The following CCDC18 variants were observed in gnomAD, a reference collection of about 807,000 sequenced individuals.
CCDC18 encodes coiled-coil domain containing 18, also known as coiled-coil domain-containing protein 18.
Under a neutral mutation model 196.0 loss-of-function variants are expected in CCDC18, and 157 were observed. That is an observed-to-expected ratio of 0.80 (90% confidence interval 0.70 to 0.91). The LOEUF (loss-of-function observed/expected upper bound fraction) is 0.91, where lower values mean the gene tolerates loss of function less well. Ranked by LOEUF, CCDC18 falls within the 40% of genes least tolerant of loss-of-function variation. The probability of loss-of-function intolerance (pLI) is 0.00; values close to 1 mark genes in which losing one functional copy is unlikely to be tolerated. For missense variants in CCDC18, 1,465 were observed against 1,611.6 expected (o/e 0.91, Z 1.56); for synonymous variants, 482 against 529.2 (o/e 0.91, Z 1.22).
At chr1:93,251,295 C>T (rs948673364) in intron 23 of CCDC18, among the ~76,000 whole-genome samples, 1 of 152,094 alleles carries the variant, frequency 6.6e-6, no homozygotes, top group Non-Finnish European at 1.5e-5. Flanking sequence ...TGTTATATTG[C>T]CTATCTCTGA....
At chr1:93,231,847 A>G (rs185771230) in intron 17 of CCDC18, among the ~76,000 whole-genome samples, 62 of 152,352 alleles carry the variant, frequency 4.1e-4, no homozygotes, top group African/African-American at 1.4e-3. Context: ...AACAATAACA[A>G]TAAATAGCAC....
chr1:93,218,781 C>T (rs927393158), intron 14 of CCDC18, among the ~76,000 whole-genome samples: 1 of 151,796 alleles, frequency 6.6e-6, no homozygotes, highest in South Asian at 2.1e-4. Context: ...GTGCCTGGCT[C>T]ACGCAGAGGT....
intron 23 of CCDC18, among the ~76,000 whole-genome samples, chr1:93,250,311 G>A (rs891152914): frequency 6.7e-6 from 1 of 149,420 alleles, no homozygotes; most frequent in African/African-American, 2.5e-5. Flanking sequence ...AACCCAGGAG[G>A]TCGAGGCTGC....
intron 6 of CCDC18, among the ~76,000 whole-genome samples, chr1:93,197,313 G>A (rs1652885535): frequency 6.6e-6 from 1 of 152,140 alleles, no homozygotes; most frequent in African/African-American, 2.4e-5. Flanking sequence ...AGGCACAAGT[G>A]TTGGGATTGG....
intron 23 of CCDC18, among the ~76,000 whole-genome samples, chr1:93,253,373 G>A (rs1662520847): frequency 6.6e-6 from 1 of 152,174 alleles, no homozygotes; most frequent in Non-Finnish European, 1.5e-5. Flanking sequence ...TGGGACAGAG[G>A]CTGGAGAGCC....
intron 9 of CCDC18, among the ~76,000 whole-genome samples, chr1:93,208,535 T>G (rs1193721627): frequency 1.3e-5 from 2 of 152,218 alleles, no homozygotes; most frequent in South Asian, 2.1e-4. Context: ...GACCTCATGA[T>G]CAACCCACCT....
At position 93,207,204 on chromosome 1, in the gene CCDC18, A is replaced by G; in HGVS notation, c.1015A>G (p.Ser339Gly). ...VMAQLTESRQ[S>G]ILKLESELEN... ...GGCACAACTAACTGAATCTAGACAA[A>G]GTATTTTGAAGCTAGAGAGTGAGTT... Residue 339 changes from serine to glycine, a missense_variant, in exon 9 of 29, where the codon AGT (serine) becomes GGT (glycine). By Grantham distance (56) the Ser-to-Gly change is moderately conservative. Transcript: ENST00000690025. 6.2e-7 allele frequency: 1 copy of G among 1,612,710 alleles called. No homozygotes were observed. The highest frequency in any genetic ancestry group is 8.5e-7 in the Non-Finnish European group (1 of 1,178,860).
Position 93,226,430 on chromosome 1 carries a change from T to TA in CCDC18, c.2276dup (p.Lys760GlufsTer4). ...AATAAGGAAAAGTTTGAAAAACAGT[T>TA]AAAGAAGAAATCTGAAGAGGTAAAT... On this transcript the variant is annotated frameshift_variant, in exon 17 of 29. Transcript: ENST00000690025. LOFTEE classifies it high-confidence loss of function. 3 of 1,508,100 alleles carry TA rather than the reference T, an allele frequency of 2.0e-6. No homozygotes were observed. The highest frequency in any genetic ancestry group is 2.8e-6 in the Non-Finnish European group (3 of 1,086,976). 93.4% of individuals were successfully genotyped at this position (1,508,100 alleles called of 1,614,324 possible). A position where few individuals can be genotyped will look rare whatever the true frequency, so the allele number is the denominator to read the frequency against.
At chr1:93,219,550 C>G (rs1482372485) in intron 14 of CCDC18, among the ~76,000 whole-genome samples, 4 of 152,176 alleles carry the variant, frequency 2.6e-5, no homozygotes, top group Non-Finnish European at 4.4e-5. Flanking sequence ...GACTAACGAG[C>G]AGGTAGCTTA....
Position 93,239,706 on chromosome 1 carries a change from C to A in CCDC18, c.2791C>A (p.His931Asn). Residue 931 changes from histidine to asparagine, a missense_variant, in exon 21 of 29, where the codon CAC becomes AAC. Coordinates refer to ENST00000690025, the MANE Select transcript of CCDC18 (RefSeq NM_001378204.1). The stretch of plus-strand genomic sequence containing the variant: ...AGTAAAGGAGTTAGAAAAGTTACAG[C>A]ACAGTACTGAAACTGAACTAACAGA... ...NAVKELEKLQ[H>N]STETELTEAL... 6.2e-7 allele frequency: 1 copy of A among 1,612,168 alleles called. No individual in the cohort carries two copies. Among genetic ancestry groups the A allele is most frequent in the South Asian group, 1.1e-5 (1 of 90,990 alleles).
chr1:93,244,520 A>C (rs1256561585), intron 21 of CCDC18, among the ~76,000 whole-genome samples: 1 of 152,236 alleles, frequency 6.6e-6, no homozygotes, highest in Non-Finnish European at 1.5e-5. Context: ...GCAAATTCAT[A>C]GAGAAAGAAA....
chr1:93,190,924 C>T (rs1289276630), intron 4 of CCDC18: 2 of 782,130 alleles, frequency 2.6e-6, no homozygotes, highest in Non-Finnish European at 4.5e-6. Context: ...ACCATAACCA[C>T]TCTGCTTCCT....
At chr1:93,273,898 AC>A (rs1405875014) in intron 28 of CCDC18, among the ~76,000 whole-genome samples, 2 of 151,906 alleles carry the variant, frequency 1.3e-5, no homozygotes, top group African/African-American at 4.8e-5. Flanking sequence ...CCTTATAACA[AC>A]CCCCTGATAG....
chr1:93,183,414 T>C lies in CCDC18; in HGVS notation c.53T>C (p.Leu18Ser). ...YYNKDNEEES[L>S]LANVASLRHE... ...AATAAAGACAATGAAGAGGAAAGTT[T>C]GCTTGCAAATGTTGCTTCCTTAAGA... The change falls in exon 2 of 29, where the codon TTG becomes TCG. Residue 18 changes from leucine (L) to serine (S), a missense_variant. By Grantham distance (145) the Leu-to-Ser change is moderately radical. Transcript: ENST00000690025. The C allele has an allele frequency of 6.2e-7, 1 of 1,605,988 alleles. No individual in the cohort carries two copies. Among genetic ancestry groups the C allele is most frequent in the Non-Finnish European group, 8.5e-7 (1 of 1,174,596 alleles).
intron 21 of CCDC18, among the ~76,000 whole-genome samples, chr1:93,242,102 A>G (rs1363412992): frequency 6.6e-6 from 1 of 152,220 alleles, no homozygotes; most frequent in Non-Finnish European, 1.5e-5. Context: ...TTGTATACAA[A>G]TGTTTACAAA....
intron 25 of CCDC18, 57 bp from the exon 26 acceptor site, chr1:93,258,691 G>A: frequency 7.2e-7 from 1 of 1,393,464 alleles, no homozygotes; most frequent in East Asian, 2.6e-5. Flanking sequence ...GATTAGTTTA[G>A]CTATAATAAC....
chr1:93,184,051 C>T lies in CCDC18; in HGVS notation c.208C>T (p.Pro70Ser). 6.3e-7 allele frequency: 1 copy of T among 1,594,044 alleles called. No individual in the cohort carries two copies. The highest frequency in any genetic ancestry group is 8.6e-7 in the Non-Finnish European group (1 of 1,167,320). The change falls in exon 3 of 29, where the codon CCT becomes TCT. Residue 70 changes from proline to serine, a missense_variant. By Grantham distance (74) the Pro-to-Ser change is moderately conservative. Coordinates refer to ENST00000690025, the MANE Select transcript of CCDC18 (RefSeq NM_001378204.1). Reference sequence around the variant, plus strand: ...TGAAAAGCTAATTTTGGATGTTCAGCCTAGCCACCCTGGACTTTTGAATTA... The same window carrying T: ...TGAAAAGCTAATTTTGGATGTTCAGTCTAGCCACCCTGGACTTTTGAATTA... ...RSEKLILDVQPSHPGLLNYSP... is the reference protein window; with the variant it reads ...RSEKLILDVQSSHPGLLNYSP...
intron 8 of CCDC18, among the ~76,000 whole-genome samples, chr1:93,206,401 T>TC (rs1654708159): frequency 6.6e-6 from 1 of 152,142 alleles, no homozygotes; most frequent in South Asian, 2.1e-4. Context: ...CACTTAAAAT[T>TC]TTTATACTTC....
At chr1:93,262,120 C>T (rs555281307) in intron 26 of CCDC18, 10 of 152,278 alleles carry the variant, frequency 6.6e-5, no homozygotes, top group African/African-American at 2.4e-4. Flanking sequence ...ATGATCCAAT[C>T]AGCTCCCACC....
Sources: allele counts gnomAD v4.1 joint callset (sites outside exome capture counted in the v4.1 genomes callset), GRCh38; gene constraint gnomAD v4.1.1; transcripts MANE v1.5; gene names NCBI Gene and HGNC (gene_info 2026-07-23, HGNC 2026-07-21).